Variants in GUCY1A2 observed in about 807,000 individuals in gnomAD.
GUCY1A2 encodes guanylate cyclase soluble subunit alpha-2.
GUCY1A2 carries 27 observed loss-of-function variants against 63.5 expected under a neutral mutation model. The observed-to-expected ratio is 0.43, with a 90% CI of 0.31 to 0.59. GUCY1A2 has a LOEUF of 0.59. Among genes scored for constraint, GUCY1A2 ranks in the 20% least tolerant of loss-of-function variants. The pLI is 0.11. For synonymous variants in GUCY1A2, 364 were observed against 343.5 expected (o/e 1.06, Z -0.66); for missense variants, 768 against 913.3 (o/e 0.84, Z 2.05).
intron 5 of GUCY1A2, among the ~76,000 whole-genome samples, chr11:106,788,318 T>C (rs920788428): frequency 2.0e-5 from 3 of 152,102 alleles, no homozygotes; most frequent in Non-Finnish European, 2.9e-5. Context: ...TTTGCAAATA[T>C]TTTCTCCCAT....
chr11:106,873,260 T>C (rs1432173933), intron 4 of GUCY1A2, among the ~76,000 whole-genome samples: 1 of 152,202 alleles, frequency 6.6e-6, no homozygotes, highest in Non-Finnish European at 1.5e-5. Context: ...AGTAGAATGA[T>C]TTATATTCCT....
intron 4 of GUCY1A2, chr11:106,826,632 C>A (rs1241748575): frequency 3.1e-6 from 5 of 1,605,744 alleles, no homozygotes; most frequent in Non-Finnish European, 4.3e-6. Context: ...ATTTTCCCAG[C>A]AGTACAACCT....
intron 4 of GUCY1A2, among the ~76,000 whole-genome samples, chr11:106,893,493 A>G (rs1420696171): frequency 6.6e-6 from 1 of 152,192 alleles, no homozygotes; most frequent in Non-Finnish European, 1.5e-5. Context: ...ATACTGAAAT[A>G]TAAAATTATA....
At chr11:106,859,000 T>C (rs966519605) in intron 4 of GUCY1A2, among the ~76,000 whole-genome samples, 1 of 152,116 alleles carries the variant, frequency 6.6e-6, no homozygotes, top group Non-Finnish European at 1.5e-5. Flanking sequence ...ATAAGATACA[T>C]AGGTTATAAA....
intron 4 of GUCY1A2, among the ~76,000 whole-genome samples, chr11:106,890,022 T>C (rs1323503968): frequency 3.3e-5 from 5 of 152,170 alleles, no homozygotes; most frequent in Non-Finnish European, 7.3e-5. Context: ...TGCATCTCTG[T>C]ATAGTGTATT....
At chr11:106,722,484 A>C (rs1255552933) in intron 6 of GUCY1A2, among the ~76,000 whole-genome samples, 1 of 152,028 alleles carries the variant, frequency 6.6e-6, no homozygotes, top group Non-Finnish European at 1.5e-5. Context: ...TACAGCTGTG[A>C]TGTTTTTATT....
At chr11:106,737,709 C>T (rs1330778631) in intron 6 of GUCY1A2, among the ~76,000 whole-genome samples, 1 of 152,110 alleles carries the variant, frequency 6.6e-6, no homozygotes, top group Non-Finnish European at 1.5e-5. Flanking sequence ...TCATCCATGT[C>T]CCTACAAAGG....
intron 1 of GUCY1A2, among the ~76,000 whole-genome samples, chr11:106,999,792 T>G (rs911564658): frequency 6.6e-6 from 1 of 152,220 alleles, no homozygotes; most frequent in African/African-American, 2.4e-5. Flanking sequence ...ATTAAGGTGA[T>G]ATATTCCACC....
intron 6 of GUCY1A2, among the ~76,000 whole-genome samples, chr11:106,722,418 G>GT (rs1397287596): frequency 1.3e-5 from 2 of 151,948 alleles, no homozygotes; most frequent in Non-Finnish European, 2.9e-5. Context: ...AAAAATCTTG[G>GT]TAGTGGGGTC....
At chr11:106,958,302 T>C (rs1861016641) in intron 3 of GUCY1A2, among the ~76,000 whole-genome samples, 1 of 152,196 alleles carries the variant, frequency 6.6e-6, no homozygotes, top group Non-Finnish European at 1.5e-5. Flanking sequence ...ACAGTCATCT[T>C]TCCTCTACTT....
chr11:106,718,541 TGATAA>T (rs1471729696), intron 6 of GUCY1A2, among the ~76,000 whole-genome samples: 1 of 152,140 alleles, frequency 6.6e-6, no homozygotes, highest in Non-Finnish European at 1.5e-5. Flanking sequence ...ATTTAATACC[TGATAA>T]GATATTTAAA....
At chr11:106,742,890 C>G (rs1300297451) in intron 6 of GUCY1A2, among the ~76,000 whole-genome samples, 4 of 151,928 alleles carry the variant, frequency 2.6e-5, no homozygotes, top group African/African-American at 9.7e-5. Context: ...TCTGAAGTAC[C>G]CTCTTCATTT....
intron 3 of GUCY1A2, among the ~76,000 whole-genome samples, chr11:106,965,013 G>A (rs895051689): frequency 6.6e-6 from 1 of 151,664 alleles, no homozygotes; most frequent in Non-Finnish European, 1.5e-5. Context: ...TTAATTCAGG[G>A]AGTTGGCCAA....
At chr11:106,995,389 A>G (rs1420594700) in intron 1 of GUCY1A2, among the ~76,000 whole-genome samples, 1 of 152,158 alleles carries the variant, frequency 6.6e-6, no homozygotes, top group African/African-American at 2.4e-5. Context: ...CTGAGTCACA[A>G]TCCAATCTAG....
intron 4 of GUCY1A2, among the ~76,000 whole-genome samples, chr11:106,862,542 C>T (rs1012901989): frequency 6.6e-6 from 1 of 152,012 alleles, no homozygotes; most frequent in Non-Finnish European, 1.5e-5. Flanking sequence ...AAAGAAGCAG[C>T]ACCTCACTGA....
chr11:106,740,159 C>T (rs987890185), intron 6 of GUCY1A2, among the ~76,000 whole-genome samples: 15 of 151,818 alleles, frequency 9.9e-5, no homozygotes, highest in African/African-American at 2.4e-4. Context: ...CCACCATGTC[C>T]GGCTAATTTT....
intron 4 of GUCY1A2, among the ~76,000 whole-genome samples, chr11:106,859,288 T>G (rs1859476926): frequency 2.9e-5 from 4 of 139,382 alleles, no homozygotes; most frequent in South Asian, 4.4e-4. Flanking sequence ...GTATGAACAT[T>G]TGAACTTCCC....
At chr11:107,006,833 ACT>A (rs1861677844) in intron 1 of GUCY1A2, among the ~76,000 whole-genome samples, 2 of 152,244 alleles carry the variant, frequency 1.3e-5, no homozygotes, top group Non-Finnish European at 2.9e-5. Flanking sequence ...TGAAGGACTG[ACT>A]AACAAATTTA....
chr11:106,906,549 C>T (rs1860208915), intron 4 of GUCY1A2, among the ~76,000 whole-genome samples: 1 of 152,178 alleles, frequency 6.6e-6, no homozygotes, highest in Admixed American at 6.5e-5. Context: ...GGATCTAGAA[C>T]CAGAAATACC....
Sources: allele counts gnomAD v4.1 joint callset (sites outside exome capture counted in the v4.1 genomes callset), GRCh38; gene constraint gnomAD v4.1.1; transcripts MANE v1.5; gene names NCBI Gene and HGNC (gene_info 2026-07-23, HGNC 2026-07-21).